Variants in CAMTA1 observed in about 807,000 individuals in gnomAD.
CAMTA1 encodes calmodulin-binding transcription activator 1.
A neutral mutation model predicts 170.9 loss-of-function variants in CAMTA1; 27 were observed. The observed-to-expected ratio is 0.16, with a 90% CI of 0.12 to 0.22. CAMTA1 has a LOEUF of 0.22. Among genes scored for constraint, CAMTA1 ranks in the 10% least tolerant of loss-of-function variants. The probability of loss-of-function intolerance (pLI) is 1.00; values close to 1 mark genes in which losing one functional copy is unlikely to be tolerated. For missense variants in CAMTA1, 1,619 were observed against 2,217.2 expected, an observed-to-expected ratio of 0.73 and a Z score of 5.42; for synonymous variants, 833 against 891.5, an observed-to-expected ratio of 0.93 and a Z score of 1.17.
At chr1:7,640,673 G>A (rs2095753732) in intron 7 of CAMTA1, 120 bp downstream of exon 7, 2 of 1,154,794 alleles carry the variant, frequency 1.7e-6, no homozygotes, top group East Asian at 4.9e-5. Context: ...CATCTTGCTG[G>A]AATGACAGTG....
At chr1:7,238,962 C>T (rs547715071) in intron 4 of CAMTA1, among the ~76,000 whole-genome samples, 14 of 152,346 alleles carry the variant, frequency 9.2e-5, no homozygotes, top group African/African-American at 3.4e-4. Context: ...CACAGCCCCA[C>T]CTCTGCACAG....
intron 4 of CAMTA1, among the ~76,000 whole-genome samples, chr1:7,161,382 T>G (rs1304321676): frequency 2.6e-5 from 4 of 152,174 alleles, no homozygotes; most frequent in Non-Finnish European, 5.9e-5. Context: ...CCTTCACTCA[T>G]GCAGCAAATC....
chr1:7,342,228 A>G (rs1316041763), intron 5 of CAMTA1, among the ~76,000 whole-genome samples: 1 of 152,166 alleles, frequency 6.6e-6, no homozygotes, highest in Non-Finnish European at 1.5e-5. Flanking sequence ...TGACCTCAGA[A>G]GAGCTCCAGG....
At chr1:6,804,176 CTTT>C (rs889875577) in intron 1 of CAMTA1, among the ~76,000 whole-genome samples, 2 of 116,462 alleles carry the variant, frequency 1.7e-5, no homozygotes, top group Admixed American at 9.0e-5. Context: ...GAGCGAAACT[CTTT>C]TTTTTTTTTT....
intron 3 of CAMTA1, among the ~76,000 whole-genome samples, chr1:6,916,874 G>A (rs949947388): frequency 6.6e-6 from 1 of 152,222 alleles, no homozygotes; most frequent in Non-Finnish European, 1.5e-5. Flanking sequence ...AGACCAATGT[G>A]GACCTGAGCT....
At chr1:7,737,211 T>C in intron 14 of CAMTA1, 44 bp from the exon 15 acceptor site, 1 of 1,585,258 alleles carries the variant, frequency 6.3e-7, no homozygotes, top group Non-Finnish European at 8.6e-7. Context: ...GGTCTGGTCT[T>C]GACCTCTGAT....
intron 3 of CAMTA1, among the ~76,000 whole-genome samples, chr1:7,011,777 C>G (rs764735270): frequency 6.6e-6 from 1 of 152,218 alleles, no homozygotes; most frequent in Non-Finnish European, 1.5e-5. Flanking sequence ...ACTGGTGTGT[C>G]CGCAGTGCCA....
intron 5 of CAMTA1, among the ~76,000 whole-genome samples, chr1:7,383,622 G>A (rs983953711): frequency 6.6e-6 from 1 of 152,146 alleles, no homozygotes; most frequent in Non-Finnish European, 1.5e-5. Context: ...CCATGTAAGT[G>A]CTAGCTCAGG....
intron 3 of CAMTA1, among the ~76,000 whole-genome samples, chr1:6,859,802 G>A (rs1224114238): frequency 6.6e-6 from 1 of 152,084 alleles, no homozygotes; most frequent in Non-Finnish European, 1.5e-5. Flanking sequence ...AAAAAGAAAA[G>A]AAAAGAAATG....
intron 3 of CAMTA1, among the ~76,000 whole-genome samples, chr1:6,972,304 C>G (rs1692685402): frequency 6.6e-6 from 1 of 152,156 alleles, no homozygotes; most frequent in East Asian, 1.9e-4. Flanking sequence ...AGTGACACAC[C>G]TGGCCGGTTG....
At chr1:7,070,909 T>C (rs4564160) in intron 3 of CAMTA1, among the ~76,000 whole-genome samples, 126,666 of 152,236 alleles carry the variant, frequency 0.83, 52,757 homozygotes, top group Admixed American at 0.86. Context: ...CTCTGAACAC[T>C]GAGGGGAAGT....
rs367717343 is a variant in CAMTA1, at chr1:7,119,304, T to C, written c.302+27933T>C. 3.9e-5 allele frequency among the ~76,000 whole-genome samples: 6 copies of C among 152,270 alleles called. No individual in the cohort carries two copies. In the South Asian group the frequency reaches 8.3e-4, roughly 21 times the overall value. ...GCTGTTGTCTAAGCCCGAACCCAGA[T>C]GAACACCAGTGCAGAGGGTGTTGGA... On this transcript the variant is annotated intron_variant, in intron 4 of 22. Coordinates refer to ENST00000303635, the MANE Select transcript of CAMTA1 (RefSeq NM_015215.4).
At chr1:7,221,924 CACAT>C (rs1553276976) in intron 4 of CAMTA1, among the ~76,000 whole-genome samples, 4 of 149,878 alleles carry the variant, frequency 2.7e-5, no homozygotes, top group African/African-American at 9.8e-5. Context: ...CACACACACA[CACAT>C]ACACACACAC....
At chr1:6,996,256 T>G (rs1697232750) in intron 3 of CAMTA1, among the ~76,000 whole-genome samples, 1 of 152,264 alleles carries the variant, frequency 6.6e-6, no homozygotes, top group Admixed American at 6.5e-5. Flanking sequence ...TCTTGTAATT[T>G]GGGACTGGAT....
intron 19 of CAMTA1, 23 bp from the exon 20 acceptor site, chr1:7,751,176 G>A (rs769861871): frequency 1.4e-5 from 22 of 1,549,602 alleles, no homozygotes; most frequent in Middle Eastern, 1.7e-4. Flanking sequence ...TTACTGTGTC[G>A]CTTGTTCTTG....
chr1:7,658,419 ACCTGGCACCAC>A (rs1030817937), intron 7 of CAMTA1, among the ~76,000 whole-genome samples: 2 of 152,118 alleles, frequency 1.3e-5, no homozygotes, highest in African/African-American at 4.8e-5. Context: ...TAAAAAAAAT[ACCTGGCACCAC>A]CCCAGACCAA....
At position 7,562,753 on chromosome 1, in the gene CAMTA1, C is replaced by A. The variant is rs1228642322; in HGVS notation, c.511-77647C>A. On this transcript the variant is annotated intron_variant, in intron 6 of 22. Transcript: ENST00000303635. The surrounding 1 kb of genome is among the most constrained non-coding windows in gnomAD (Gnocchi z 4.8). ...TTCCCGCATCTGCCGTTAACCCTCG[C>A]CAGGCCAGCAGTAGCCCACCCCACT... 6.6e-6 allele frequency among the ~76,000 whole-genome samples: 1 copy of A among 152,242 alleles called. No homozygotes were observed. Among genetic ancestry groups the A allele is most frequent in the Non-Finnish European group, 1.5e-5 (1 of 68,052 alleles).
At chr1:7,668,276 G>A (rs1314004056) in intron 9 of CAMTA1, among the ~76,000 whole-genome samples, 1 of 152,106 alleles carries the variant, frequency 6.6e-6, no homozygotes, top group African/African-American at 2.4e-5. Flanking sequence ...GCAGGAATGC[G>A]ATGGCCGGGG....
chr1:7,125,760 G>A (rs1644896155), intron 4 of CAMTA1, among the ~76,000 whole-genome samples: 1 of 152,264 alleles, frequency 6.6e-6, no homozygotes, highest in African/African-American at 2.4e-5. Context: ...GGCCCCTGAG[G>A]GCCTCATACA....
Sources: gnomAD v4.1 joint callset for allele counts (sites outside exome capture counted in the v4.1 genomes callset) on GRCh38, gnomAD v4.1.1 for gene constraint, Gnocchi (gnomAD v3.1) non-coding constraint, MANE v1.5 for transcripts, NCBI Gene and HGNC (gene_info 2026-07-23, HGNC 2026-07-21) for gene names.